TBL1X: variants seen among roughly 807,000 people sequenced by gnomAD.
TBL1X encodes transducin beta like 1 X-linked.
A neutral mutation model predicts 50.7 loss-of-function variants in TBL1X; 10 were observed. That is an observed-to-expected ratio of 0.20 (90% CI 0.12 to 0.33). The LOEUF (loss-of-function observed/expected upper bound fraction) is 0.33, where lower values mean the gene tolerates loss of function less well. TBL1X is among the 10% of genes least tolerant of loss of function. TBL1X has a pLI of 1.00. For missense variants in TBL1X, 340 were observed against 504.4 expected (o/e 0.67, Z 3.12); for synonymous variants, 190 against 214.7 (o/e 0.88, Z 1.01).
At chrX:9,711,863 C>A in intron 16 of TBL1X, 87 bp downstream of exon 16, 2 of 1,021,618 alleles carry the variant, frequency 2.0e-6, no homozygotes, top group Non-Finnish European at 2.6e-6. Flanking sequence ...AGAGCAGTGC[C>A]CCGGAGGGAG....
At chrX:9,665,524 T>A (rs1601825967) in intron 5 of TBL1X, among the ~76,000 whole-genome samples, 1 of 53,055 alleles carries the variant, frequency 1.9e-5, no homozygotes, top group Admixed American at 2.4e-4. Flanking sequence ...TATATATATA[T>A]ATATATATAT....
Position 9,518,817 on chromosome X carries a change from C to T in TBL1X, c.-131+16968C>T, listed in dbSNP as rs895480992. Among the ~76,000 whole-genome samples, 4 of 110,795 alleles carry T rather than the reference C, an allele frequency of 3.6e-5. No homozygotes were observed. In the East Asian group the frequency reaches 1.1e-3, roughly 32 times the overall value. ...AGAGCCACTTAGCCTGAAGACCCTC[C>T]TTACTCCGTTATCATAGAACCAGAG... On this transcript the variant is annotated intron_variant, in intron 2 of 17. Transcript: ENST00000645353.
At chrX:9,640,485 G>A (rs1045674656) in intron 3 of TBL1X, 125 bp downstream of exon 3, 8 of 112,025 alleles carry the variant, frequency 7.1e-5, no homozygotes, top group African/African-American at 2.3e-4. Flanking sequence ...GGAAGTGCCC[G>A]GTCTTTCTCC....
chrX:9,494,428 AC>A (rs1444199117), intron 1 of TBL1X, among the ~76,000 whole-genome samples: 1 of 111,512 alleles, frequency 9.0e-6, no homozygotes, highest in Non-Finnish European at 1.9e-5. Context: ...AGTAAGGAAA[AC>A]GATTACCTTT....
intron 4 of TBL1X, 67 bp downstream of exon 4, chrX:9,653,756 G>T (rs2082849590): frequency 6.1e-6 from 6 of 985,082 alleles, no homozygotes; most frequent in Middle Eastern, 3.1e-4. Context: ...ATGGCCGCGG[G>T]TGTACTCGGT....
Position 9,656,397 on chromosome X carries a change from A to G in TBL1X, c.211+2075A>G, listed in dbSNP as rs186207910. ...GGTGTGAAGGACCACGTGCTCCGGT[A>G]ACCTGGAGACAGAGCCATGCTGCTG... On this transcript the variant is annotated intron_variant, in intron 5 of 17. Coordinates refer to ENST00000645353, the MANE Select transcript of TBL1X (RefSeq NM_005647.4). 3.3e-4 allele frequency among the ~76,000 whole-genome samples: 37 copies of G among 113,028 alleles called. No homozygotes were observed. In the East Asian group the frequency reaches 5.0e-3, roughly 15 times the overall value.
At chrX:9,522,967 A>G (rs1010867446) in intron 2 of TBL1X, among the ~76,000 whole-genome samples, 7 of 112,319 alleles carry the variant, frequency 6.2e-5, no homozygotes, top group African/African-American at 2.3e-4. Context: ...GAGGTCAGCA[A>G]GAGTTCTTGT....
rs73476851 is a variant in TBL1X, at chrX:9,606,683, A to G, written c.-130-33590A>G. Among the ~76,000 whole-genome samples the G allele has an allele frequency of 7.4e-3, 822 of 111,426 alleles. 6 individuals are homozygous for G. The highest frequency in any genetic ancestry group is 0.025 in the African/African-American group (766 of 30,669). On this transcript the variant is annotated intron_variant, in intron 2 of 17. Transcript: ENST00000645353. The stretch of plus-strand genomic sequence containing the variant: ...GACAGAGCAAGACCGTGTCCCAAAA[A>G]TAAATAATAAAAAAAGAATGAATCA...
chrX:9,653,824 G>C (rs1358353168), intron 4 of TBL1X, 135 bp downstream of exon 4: 1 of 568,639 alleles, frequency 1.8e-6, no homozygotes, highest in African/African-American at 2.3e-5. Context: ...GTCTGCCTGA[G>C]TGCACTTTGG....
At chrX:9,673,869 C>G (rs1042905149) in intron 5 of TBL1X, among the ~76,000 whole-genome samples, 17 of 111,487 alleles carry the variant, frequency 1.5e-4, no homozygotes, top group Non-Finnish European at 3.0e-4. Flanking sequence ...GAGTTTGAGA[C>G]CAGCCTGTCC....
At chrX:9,538,760 G>A (rs1193581732) in intron 2 of TBL1X, among the ~76,000 whole-genome samples, 1 of 112,764 alleles carries the variant, frequency 8.9e-6, no homozygotes, top group Non-Finnish European at 1.9e-5. Flanking sequence ...CCCAGAAGGT[G>A]TTTCCGTTCT....
chrX:9,576,709 A>C (rs1467050419), intron 2 of TBL1X, among the ~76,000 whole-genome samples: 1 of 107,961 alleles, frequency 9.3e-6, no homozygotes, highest in Non-Finnish European at 1.9e-5. Flanking sequence ...AAAAAAAAAA[A>C]AAAAAAACAT....
chrX:9,561,108 A>G (rs756243488), intron 2 of TBL1X, among the ~76,000 whole-genome samples: 20 of 111,198 alleles, frequency 1.8e-4, no homozygotes, highest in Non-Finnish European at 3.4e-4. Flanking sequence ...AGAATTCCCA[A>G]TGACCCATCA....
chrX:9,527,693 A>G (rs777470324), intron 2 of TBL1X, among the ~76,000 whole-genome samples: 9 of 111,636 alleles, frequency 8.1e-5, no homozygotes, highest in African/African-American at 2.6e-4. Flanking sequence ...AAAAGCAGCC[A>G]TTGACAACAT....
At chrX:9,607,291 C>G (rs1285457156) in intron 2 of TBL1X, among the ~76,000 whole-genome samples, 1 of 113,089 alleles carries the variant, frequency 8.8e-6, no homozygotes, top group Non-Finnish European at 1.9e-5. Context: ...ACTTATCGGA[C>G]ATTTCGCAGA....
At chrX:9,465,699 G>A (rs1292387531) in intron 1 of TBL1X, among the ~76,000 whole-genome samples, 1 of 113,062 alleles carries the variant, frequency 8.8e-6, no homozygotes, top group African/African-American at 3.2e-5. Flanking sequence ...GCCTTGCGGG[G>A]AGAGACGGAG....
chrX:9,473,336 A>G (rs2081829361), intron 1 of TBL1X, among the ~76,000 whole-genome samples: 1 of 112,277 alleles, frequency 8.9e-6, no homozygotes, highest in Admixed American at 9.4e-5. Context: ...TGAATCGTAC[A>G]CAACTGTAAT....
chrX:9,571,892 T>C (rs2082388373), intron 2 of TBL1X, among the ~76,000 whole-genome samples: 1 of 112,781 alleles, frequency 8.9e-6, no homozygotes, highest in Non-Finnish European at 1.9e-5. Context: ...AAGATTCATC[T>C]GTATTGTAGC....
intron 1 of TBL1X, among the ~76,000 whole-genome samples, chrX:9,465,782 T>C (rs1376744048): frequency 1.8e-5 from 2 of 112,858 alleles, no homozygotes; most frequent in African/African-American, 6.4e-5. Flanking sequence ...CGGCTTTTCC[T>C]CCGGTGCCCC....
Sources: gnomAD v4.1 joint callset for allele counts (sites outside exome capture counted in the v4.1 genomes callset) on GRCh38, gnomAD v4.1.1 for gene constraint, MANE v1.5 for transcripts, NCBI Gene and HGNC (gene_info 2026-07-23, HGNC 2026-07-21) for gene names.